The following CADPS variants were observed in gnomAD, a reference collection of about 807,000 sequenced individuals.
CADPS encodes calcium dependent secretion activator.
CADPS carries 57 observed loss-of-function variants against 167.3 expected under a neutral mutation model. The observed-to-expected ratio is 0.34, with a 90% CI of 0.28 to 0.42. The LOEUF (loss-of-function observed/expected upper bound fraction) is 0.42, where lower values mean the gene tolerates loss of function less well. CADPS is among the 20% of genes least tolerant of loss of function. CADPS has a pLI of 1.00. For synonymous variants in CADPS, 676 were observed against 635.3 expected, an observed-to-expected ratio of 1.06 and a Z score of -0.96; for missense variants, 1,414 against 1,738.1, an observed-to-expected ratio of 0.81 and a Z score of 3.32.
chr3:62,532,781 A>T, intron 13 of CADPS, 90 bp downstream of exon 13: 1 of 1,149,284 alleles, frequency 8.7e-7, no homozygotes, highest in Non-Finnish European at 1.3e-6. Context: ...AGGAATGAAG[A>T]CAGGCAGATC....
chr3:62,743,968 A>G (rs1268291322), intron 3 of CADPS, among the ~76,000 whole-genome samples: 2 of 152,190 alleles, frequency 1.3e-5, no homozygotes, highest in Non-Finnish European at 2.9e-5. Context: ...TTAATCTCCA[A>G]AATCTTCTCT....
At chr3:62,453,811 G>C (rs2058367404) in intron 26 of CADPS, among the ~76,000 whole-genome samples, 1 of 152,194 alleles carries the variant, frequency 6.6e-6, no homozygotes, top group South Asian at 2.1e-4. Flanking sequence ...TGTCACCAGA[G>C]GGCCTGAAAT....
At chr3:62,776,838 G>A (rs373009803) in intron 1 of CADPS, among the ~76,000 whole-genome samples, 3 of 152,128 alleles carry the variant, frequency 2.0e-5, no homozygotes, top group African/African-American at 7.2e-5. Flanking sequence ...GAGGAAGGCC[G>A]TAGGGAGAAA....
At chr3:62,800,738 T>A (rs1015961061) in intron 1 of CADPS, among the ~76,000 whole-genome samples, 2 of 152,188 alleles carry the variant, frequency 1.3e-5, no homozygotes, top group African/African-American at 4.8e-5. Context: ...ATGTGTTTCT[T>A]AATATGCTTT....
intron 26 of CADPS, among the ~76,000 whole-genome samples, chr3:62,461,733 C>T (rs2059371683): frequency 6.6e-6 from 1 of 152,190 alleles, no homozygotes; most frequent in South Asian, 2.1e-4. Flanking sequence ...CCTGAGCATC[C>T]TGACTAAAGT....
Position 62,399,730 on chromosome 3 carries a change from T to C in CADPS, c.3883-145A>G. The C allele has an allele frequency of 1.6e-6, 1 of 629,166 alleles. No individual in the cohort carries two copies. The allele number at this position is 629,166 out of a possible 1,614,324, so 39.0% of individuals were successfully genotyped here. A position where few individuals can be genotyped will look rare whatever the true frequency, so the allele number is the denominator to read the frequency against. On this transcript the variant is annotated intron_variant, in intron 29 of 29. Transcript: ENST00000383710. This position sits in a 1 kb window ranked among gnomAD's most constrained non-coding sequence, Gnocchi z 5.6. ...ATTGTCAAATAAAAAGCCACTGTGC[T>C]TAGATTTCACTTGTATTGAAAACTG... is the stretch of plus-strand genomic sequence containing the variant.
chr3:62,739,866 G>A (rs2079827830), intron 3 of CADPS, among the ~76,000 whole-genome samples: 1 of 152,244 alleles, frequency 6.6e-6, no homozygotes, highest in Non-Finnish European at 1.5e-5. Context: ...ACAGTAAAGA[G>A]AGGTTGGTAG....
At chr3:62,473,308 C>T (rs554220785) in intron 24 of CADPS, among the ~76,000 whole-genome samples, 19 of 152,040 alleles carry the variant, frequency 1.2e-4, no homozygotes, top group Non-Finnish European at 1.8e-4. Flanking sequence ...TACCACCAAC[C>T]CACATTTAAA....
chr3:62,771,077 A>G (rs563137595), intron 1 of CADPS, among the ~76,000 whole-genome samples: 1 of 152,284 alleles, frequency 6.6e-6, no homozygotes, highest in South Asian at 2.1e-4. Flanking sequence ...ACTTTTCATT[A>G]TCTATCTCTC....
At chr3:62,512,688 A>G in intron 17 of CADPS, 63 bp downstream of exon 17, 1 of 1,406,006 alleles carries the variant, frequency 7.1e-7, no homozygotes, top group Non-Finnish European at 9.9e-7. Flanking sequence ...TGAAAAACAA[A>G]AACAAAAACT....
chr3:62,685,916 G>A (rs1038306823), intron 3 of CADPS, among the ~76,000 whole-genome samples: 1 of 152,072 alleles, frequency 6.6e-6, no homozygotes, highest in Non-Finnish European at 1.5e-5. Flanking sequence ...AGGGACCCCT[G>A]TTTTATAGCA....
intron 13 of CADPS, among the ~76,000 whole-genome samples, chr3:62,521,001 T>G (rs2070410017): frequency 6.6e-6 from 1 of 152,206 alleles, no homozygotes; most frequent in East Asian, 1.9e-4. Context: ...GAGTACTGTT[T>G]TTTCCACAGA....
intron 3 of CADPS, among the ~76,000 whole-genome samples, chr3:62,675,564 A>C (rs1022707877): frequency 1.3e-5 from 2 of 152,016 alleles, no homozygotes; most frequent in African/African-American, 4.8e-5. Context: ...TCTGAGAGAG[A>C]AACCTGCAAA....
intron 3 of CADPS, among the ~76,000 whole-genome samples, chr3:62,723,289 G>A (rs774400622): frequency 1.1e-4 from 17 of 152,086 alleles, no homozygotes; most frequent in Non-Finnish European, 1.8e-4. Context: ...TCCGATGAAC[G>A]CCAGTAGATA....
chr3:62,504,068 A>C (rs1311933897), intron 17 of CADPS, among the ~76,000 whole-genome samples: 1 of 152,236 alleles, frequency 6.6e-6, no homozygotes, highest in Non-Finnish European at 1.5e-5. Flanking sequence ...ATTGAAAAAT[A>C]TGGATAAAAT....
Position 62,734,493 on chromosome 3 carries a change from C to G in CADPS, c.888+18948G>C, listed in dbSNP as rs140285931. ...TTTTCCCTCTGAAGTAGCCACTATT[C>G]TGATTTCTATTGCCATAGATTAGTT... On this transcript the variant is annotated intron_variant, in intron 3 of 29. Transcript: ENST00000383710. 1.2e-3 allele frequency among the ~76,000 whole-genome samples: 179 copies of G among 152,200 alleles called. 3 individuals are homozygous for G. Among genetic ancestry groups the G allele is most frequent in the Middle Eastern group, 3.4e-3 (1 of 294 alleles).
At chr3:62,810,909 T>A (rs941516717) in intron 1 of CADPS, among the ~76,000 whole-genome samples, 13 of 152,252 alleles carry the variant, frequency 8.5e-5, no homozygotes, top group Non-Finnish European at 1.9e-4. Flanking sequence ...TCAGTTAAGC[T>A]GAGCTTTCTT....
At chr3:62,821,690 T>C (rs1286282109) in intron 1 of CADPS, among the ~76,000 whole-genome samples, 1 of 152,190 alleles carries the variant, frequency 6.6e-6, no homozygotes, top group Non-Finnish European at 1.5e-5. Flanking sequence ...CTTAACTTGA[T>C]TAACTCTACA....
chr3:62,640,942 T>G (rs944552992), intron 6 of CADPS, among the ~76,000 whole-genome samples: 5 of 152,144 alleles, frequency 3.3e-5, no homozygotes, highest in Non-Finnish European at 7.4e-5. Context: ...TTACATCATT[T>G]TTTTTTCAAA....
Sources: gnomAD v4.1 joint callset for allele counts (sites outside exome capture counted in the v4.1 genomes callset) on GRCh38, gnomAD v4.1.1 for gene constraint, Gnocchi (gnomAD v3.1) non-coding constraint, MANE v1.5 for transcripts, NCBI Gene and HGNC (gene_info 2026-07-23, HGNC 2026-07-21) for gene names.